DMD: variants seen among roughly 807,000 people sequenced by gnomAD.
DMD encodes mutant dystrophin.
In DMD, 63 loss-of-function variants were observed where a neutral mutation model predicts 330.1. The observed-to-expected ratio is 0.19, with a 90% CI of 0.16 to 0.24. The LOEUF is 0.24. Ranked by LOEUF, DMD falls within the 10% of genes least tolerant of loss-of-function variation. DMD has a pLI of 1.00. For missense variants in DMD, 3,344 were observed against 2,684.1 expected (o/e 1.25, Z -5.43); for synonymous variants, 1,223 against 959.8 (o/e 1.27, Z -5.07).
intron 61 of DMD, among the ~76,000 whole-genome samples, chrX:31,347,076 G>C (rs893504148): frequency 9.9e-6 from 1 of 101,258 alleles, no homozygotes; most frequent in African/African-American, 3.7e-5. Flanking sequence ...ATGCCCATAG[G>C]CTGAGGTTTC....
chrX:31,375,643 G>A (rs2059848848), intron 60 of DMD, among the ~76,000 whole-genome samples: 1 of 111,620 alleles, frequency 9.0e-6, no homozygotes, highest in Non-Finnish European at 1.9e-5. Flanking sequence ...CCGCTTACAT[G>A]ATGTTCCTAG....
At chrX:32,185,831 GTTGT>G (rs201199655) in intron 44 of DMD, among the ~76,000 whole-genome samples, 1,924 of 110,530 alleles carry the variant, frequency 0.017, 41 homozygotes, top group African/African-American at 0.06. Flanking sequence ...CCAAATTTGT[GTTGT>G]TTATCATGTT....
chrX:32,999,770 C>T (rs2093224584), intron 2 of DMD, among the ~76,000 whole-genome samples: 3 of 68,912 alleles, frequency 4.4e-5, no homozygotes, highest in African/African-American at 1.8e-4. Flanking sequence ...AGCGAGACTC[C>T]ATCTCAAAAA....
rs756149777 is a variant in DMD, at chrX:32,281,502, C to G, written c.6290+6027G>C. Among the ~76,000 whole-genome samples the G allele has an allele frequency of 2.3e-4, 26 of 111,427 alleles. No homozygotes were observed. The South Asian group carries it at 8.7e-3, about 37-fold the overall frequency. On this transcript the variant is annotated intron_variant, in intron 43 of 78. Coordinates refer to ENST00000357033, the MANE Select transcript of DMD (RefSeq NM_004006.3). ...ACAAGTGTATGGTTCCATAAACTTC[C>G]CTAAAGGAAACACATCAATGCAAGC... is the stretch of plus-strand genomic sequence containing the variant.
intron 74 of DMD, among the ~76,000 whole-genome samples, chrX:31,165,400 T>C (rs1342985396): frequency 8.9e-6 from 1 of 112,234 alleles, no homozygotes; most frequent in Non-Finnish European, 1.9e-5. Flanking sequence ...CTTTAGACTT[T>C]ATGGTGAATT....
chrX:32,838,660 G>A (rs767365311), intron 4 of DMD, among the ~76,000 whole-genome samples: 1 of 111,434 alleles, frequency 9.0e-6, no homozygotes, highest in Non-Finnish European at 1.9e-5. Flanking sequence ...ATGGACATTT[G>A]GCCAACATAC....
At chrX:31,179,494 C>T (rs1285617914) in intron 69 of DMD, among the ~76,000 whole-genome samples, 3 of 111,942 alleles carry the variant, frequency 2.7e-5, no homozygotes, top group Non-Finnish European at 5.6e-5. Flanking sequence ...GTCAACAGAC[C>T]GTATCTTGAA....
In DMD at chrX:31,790,276, C is replaced by T. The variant is rs1304232737; in HGVS notation, c.7310-16084G>A. ...CTGACGTAAAAGTGGAATTGAAGGG[C>T]ATATGGGCTGAAGTTATCAGAGACT... On this transcript the variant is annotated intron_variant, in intron 50 of 78. Transcript: ENST00000357033. Among the ~76,000 whole-genome samples, 3 of 111,273 alleles carry T rather than the reference C, an allele frequency of 2.7e-5. No individual in the cohort carries two copies. The East Asian group carries it at 8.5e-4, about 32-fold the overall frequency.
At chrX:31,655,700 A>G (rs1477582262) in intron 54 of DMD, among the ~76,000 whole-genome samples, 5 of 110,465 alleles carry the variant, frequency 4.5e-5, no homozygotes, top group African/African-American at 1.6e-4. Context: ...GTTTGGCCCC[A>G]TTTTTTCTCT....
intron 1 of DMD, among the ~76,000 whole-genome samples, chrX:33,197,269 G>A (rs1437578827): frequency 8.9e-6 from 1 of 111,987 alleles, no homozygotes; most frequent in East Asian, 2.8e-4. Flanking sequence ...TAGACTCACA[G>A]GAAGTCGCAA....
intron 2 of DMD, among the ~76,000 whole-genome samples, chrX:32,912,460 C>T (rs2087355492): frequency 9.0e-6 from 1 of 110,989 alleles, no homozygotes; most frequent in South Asian, 3.9e-4. Context: ...AGCAATCCCA[C>T]TCCTACATGT....
chrX:32,550,291 T>A (rs944016118), intron 16 of DMD, among the ~76,000 whole-genome samples: 3 of 112,018 alleles, frequency 2.7e-5, no homozygotes, highest in Non-Finnish European at 5.6e-5. Context: ...AACAACACTC[T>A]TGGACCACAG....
intron 11 of DMD, among the ~76,000 whole-genome samples, chrX:32,628,113 G>A (rs757963499): frequency 6.5e-5 from 7 of 107,807 alleles, no homozygotes; most frequent in East Asian, 5.8e-4. Flanking sequence ...TCATCCTGTC[G>A]TGCTATCAAA....
intron 11 of DMD, among the ~76,000 whole-genome samples, chrX:32,626,866 AC>A (rs201872873): frequency 9.5e-6 from 1 of 105,505 alleles, no homozygotes; most frequent in South Asian, 3.8e-4. Context: ...AGGTTAAAAA[AC>A]AGAAAGTTAT....
At chrX:32,792,582 A>C (rs1369481238) in intron 7 of DMD, among the ~76,000 whole-genome samples, 1 of 112,084 alleles carries the variant, frequency 8.9e-6, no homozygotes, top group Non-Finnish European at 1.9e-5. Flanking sequence ...AACTCATTTC[A>C]CCTGTAAAGA....
intron 63 of DMD, among the ~76,000 whole-genome samples, chrX:31,241,516 C>A (rs1207047563): frequency 8.9e-6 from 1 of 111,792 alleles, no homozygotes; most frequent in Non-Finnish European, 1.9e-5. Flanking sequence ...CATATCTATT[C>A]CCTGTTGCTC....
chrX:32,815,707 T>C (rs2077710130), intron 6 of DMD, among the ~76,000 whole-genome samples: 1 of 109,322 alleles, frequency 9.1e-6, no homozygotes, highest in African/African-American at 3.3e-5. Context: ...GCAAAAAAAA[T>C]CTTTTTCATC....
chrX:32,345,452 C>G (rs181972730), intron 39 of DMD, among the ~76,000 whole-genome samples: 118 of 110,699 alleles, frequency 1.1e-3, no homozygotes, highest in African/African-American at 3.8e-3. Flanking sequence ...TAGATAGTTG[C>G]AAAGAGTGAC....
chrX:33,216,477 A>C (rs1044152838), upstream of DMD, among the ~76,000 whole-genome samples: 6 of 111,196 alleles, frequency 5.4e-5, no homozygotes, highest in African/African-American at 2.0e-4. Context: ...GTGTGAGCTG[A>C]AAAACTACCT....
Sources: gnomAD v4.1 joint callset for allele counts (sites outside exome capture counted in the v4.1 genomes callset) on GRCh38, gnomAD v4.1.1 for gene constraint, MANE v1.5 for transcripts, NCBI Gene and HGNC (gene_info 2026-07-23, HGNC 2026-07-21) for gene names.